Variants in ELP4 observed in about 807,000 individuals in gnomAD.
ELP4 encodes elongator complex protein 4.
ELP4 carries 51 observed loss-of-function variants against 48.9 expected under a neutral mutation model. The ratio of observed to expected loss-of-function variants is 1.04; its 90% CI spans 0.83 to 1.32. ELP4 has a LOEUF of 1.32. Among genes scored for constraint, ELP4 ranks in the 40% most tolerant of loss-of-function variants. The probability of loss-of-function intolerance (pLI) is 0.00; values close to 1 mark genes in which losing one functional copy is unlikely to be tolerated. For missense variants in ELP4, 519 were observed against 514.6 expected, an observed-to-expected ratio of 1.01 and a Z score of -0.08; for synonymous variants, 210 against 189.2, an observed-to-expected ratio of 1.11 and a Z score of -0.90.
At chr11:31,642,787 A>G (rs1466904688) in intron 7 of ELP4, among the ~76,000 whole-genome samples, 1 of 151,890 alleles carries the variant, frequency 6.6e-6, no homozygotes, top group Non-Finnish European at 1.5e-5. Flanking sequence ...ATTTTTTAAT[A>G]AAATAAAAAT....
intron 9 of ELP4, among the ~76,000 whole-genome samples, chr11:31,667,545 T>C (rs758893739): frequency 4.3e-4 from 66 of 152,228 alleles, no homozygotes; most frequent in Non-Finnish European, 8.1e-4. Flanking sequence ...TATTATTTTC[T>C]ACGTTATTTT....
intron 9 of ELP4, among the ~76,000 whole-genome samples, chr11:31,662,316 T>C (rs1243779216): frequency 1.3e-5 from 2 of 152,136 alleles, no homozygotes; most frequent in Non-Finnish European, 2.9e-5. Flanking sequence ...AATCATTTCA[T>C]TGGAAATGTT....
Position 31,627,104 on chromosome 11 carries a change from C to G in ELP4, c.654-6C>G, listed in dbSNP as rs1944760645. 1 of 1,588,252 alleles carries G rather than the reference C, an allele frequency of 6.3e-7. No homozygotes were observed. The highest frequency in any genetic ancestry group is 1.7e-5 in the Admixed American group (1 of 59,220). ...TATGTATTTGAACCACTTCTTTTAC[C>G]AACAGTTCTTTGACCCCTGGCTACA... is the stretch of plus-strand genomic sequence containing the variant. On this transcript the variant is annotated splice_region_variant and splice_polypyrimidine_tract_variant and intron_variant, in intron 5 of 9. Coordinates refer to ENST00000640961, the MANE Select transcript of ELP4 (RefSeq NM_019040.5).
At chr11:31,722,879 G>A (rs1946998319) in intron 9 of ELP4, among the ~76,000 whole-genome samples, 1 of 152,166 alleles carries the variant, frequency 6.6e-6, no homozygotes, top group Admixed American at 6.5e-5. Context: ...TAGGTATCAG[G>A]TTTTTGCTCT....
intron 7 of ELP4, chr11:31,647,008 C>A (rs1417192599): frequency 6.6e-6 from 1 of 151,648 alleles, no homozygotes; most frequent in African/African-American, 2.4e-5. Flanking sequence ...TTGTTTTGAT[C>A]TGGCAAAATG....
intron 3 of ELP4, among the ~76,000 whole-genome samples, chr11:31,573,273 AG>A (rs1957216273): frequency 6.6e-6 from 1 of 152,144 alleles, no homozygotes; most frequent in Admixed American, 6.6e-5. Flanking sequence ...CCGTATCTTT[AG>A]CATATACCTC....
intron 1 of ELP4, among the ~76,000 whole-genome samples, chr11:31,515,893 G>A (rs1956103050): frequency 1.3e-5 from 2 of 152,294 alleles, no homozygotes; most frequent in African/African-American, 4.8e-5. Context: ...GGCGGATCAC[G>A]AGGTCAGGAG....
At chr11:31,625,975 AT>A (rs1227153949) in intron 5 of ELP4, among the ~76,000 whole-genome samples, 3 of 151,622 alleles carry the variant, frequency 2.0e-5, no homozygotes, top group Admixed American at 6.6e-5. Flanking sequence ...AAAGTACCAA[AT>A]TTTTCATTAT....
intron 6 of ELP4, among the ~76,000 whole-genome samples, chr11:31,631,900 A>C (rs1300940004): frequency 6.6e-6 from 1 of 152,110 alleles, no homozygotes; most frequent in African/African-American, 2.4e-5. Flanking sequence ...TTTCATCATT[A>C]TTATCTGTTT....
chr11:31,671,912 TA>T (rs1479066063), intron 9 of ELP4, among the ~76,000 whole-genome samples: 1 of 152,238 alleles, frequency 6.6e-6, no homozygotes, highest in Non-Finnish European at 1.5e-5. Context: ...TGCTAGCAGC[TA>T]AAATAGGTCA....
chr11:31,533,422 G>A (rs1956438079), intron 2 of ELP4, among the ~76,000 whole-genome samples: 1 of 127,428 alleles, frequency 7.8e-6, no homozygotes, highest in Admixed American at 9.5e-5. Context: ...CTTTCGCCCA[G>A]GCCAGACTGC....
intron 9 of ELP4, among the ~76,000 whole-genome samples, chr11:31,727,098 GGACA>G (rs1487925099): frequency 1.3e-5 from 2 of 151,122 alleles, no homozygotes; most frequent in Admixed American, 1.3e-4. Flanking sequence ...CACTATCTAT[GGACA>G]GTATCAGTGT....
At chr11:31,533,260 G>T (rs1010414913) in intron 2 of ELP4, among the ~76,000 whole-genome samples, 1 of 150,282 alleles carries the variant, frequency 6.7e-6, no homozygotes, top group African/African-American at 2.4e-5. Flanking sequence ...TGTAGCTGTT[G>T]TCATTTATAA....
At chr11:31,740,764 C>A (rs1306398630) in intron 9 of ELP4, among the ~76,000 whole-genome samples, 1 of 152,122 alleles carries the variant, frequency 6.6e-6, no homozygotes, top group African/African-American at 2.4e-5. Flanking sequence ...GGGGGAGGAG[C>A]CAAGATGGCC....
chr11:31,784,716 G>A lies in ELP4; in HGVS notation c.*1192G>A, dbSNP rs1948469302. 1 of 162,290 alleles carries A rather than the reference G, an allele frequency of 6.2e-6. No individual in the cohort carries two copies. The highest frequency in any genetic ancestry group is 2.0e-4 in the South Asian group (1 of 4,904). 10.1% of individuals were successfully genotyped at this position (162,290 alleles called of 1,614,324 possible). A position where few individuals can be genotyped will look rare whatever the true frequency, so the allele number is the denominator to read the frequency against. On this transcript the variant is annotated 3_prime_UTR_variant, in exon 10 of 10. Coordinates refer to ENST00000640961, the MANE Select transcript of ELP4 (RefSeq NM_019040.5). ...TCTTGACAACATTGTAGAAAACAAA[G>A]ACTAGGTTTTTAAAACTGTCTAACC...
intron 3 of ELP4, among the ~76,000 whole-genome samples, chr11:31,563,733 T>A (rs1957059613): frequency 6.6e-6 from 1 of 152,198 alleles, no homozygotes; most frequent in Admixed American, 6.5e-5. Flanking sequence ...TTATGGAGTC[T>A]GCTTTTTGTT....
chr11:31,546,731 G>A (rs1317884952), intron 3 of ELP4, among the ~76,000 whole-genome samples: 2 of 151,740 alleles, frequency 1.3e-5, no homozygotes, highest in African/African-American at 4.8e-5. Flanking sequence ...CCACATAGTT[G>A]GAAGTAAAGC....
chr11:31,603,915 A>G lies in ELP4; in HGVS notation c.653+8A>G, dbSNP rs915016932. ...TCTCAAAGTAGAACCCTGGTAAGTT[A>G]ATGACCCATTTAATAACAAAATCTG... On this transcript the variant is annotated splice_region_variant and intron_variant, in intron 5 of 9. Transcript: ENST00000640961. 6.2e-7 allele frequency: 1 copy of G among 1,604,356 alleles called. No homozygotes were observed. Among genetic ancestry groups the G allele is most frequent in the Non-Finnish European group, 8.5e-7 (1 of 1,174,986 alleles).
At chr11:31,610,453 A>G (rs1023268109) in intron 5 of ELP4, among the ~76,000 whole-genome samples, 3 of 152,044 alleles carry the variant, frequency 2.0e-5, no homozygotes, top group African/African-American at 7.2e-5. Context: ...GTTTCTGTTG[A>G]TCACTTCACC....
Sources: gnomAD v4.1 joint callset for allele counts (sites outside exome capture counted in the v4.1 genomes callset) on GRCh38, gnomAD v4.1.1 for gene constraint, MANE v1.5 for transcripts, NCBI Gene and HGNC (gene_info 2026-07-23, HGNC 2026-07-21) for gene names.